The following PDGFD variants were observed in gnomAD, a reference collection of about 807,000 sequenced individuals.
PDGFD encodes the protein platelet derived growth factor D.
PDGFD carries 30 observed loss-of-function variants against 44.7 expected under a neutral mutation model. The ratio of observed to expected loss-of-function variants is 0.67; its 90% CI spans 0.50 to 0.91. The LOEUF is 0.91. Among genes scored for constraint, PDGFD ranks in the 40% least tolerant of loss-of-function variants. PDGFD has a pLI of 0.00. For synonymous variants in PDGFD, 173 were observed against 168.4 expected, an observed-to-expected ratio of 1.03 and a Z score of -0.21; for missense variants, 445 against 457.8, an observed-to-expected ratio of 0.97 and a Z score of 0.25.
At chr11:104,138,657 A>C (rs905363317) in intron 1 of PDGFD, among the ~76,000 whole-genome samples, 1 of 152,224 alleles carries the variant, frequency 6.6e-6, no homozygotes, top group Non-Finnish European at 1.5e-5. Context: ...ATATGGTTTC[A>C]GATGCACATC....
chr11:103,994,430 A>G (rs1859504328), intron 3 of PDGFD, among the ~76,000 whole-genome samples: 1 of 152,244 alleles, frequency 6.6e-6, no homozygotes, highest in Non-Finnish European at 1.5e-5. Flanking sequence ...TGAGTTTGCA[A>G]TAATGTAAAT....
intron 1 of PDGFD, among the ~76,000 whole-genome samples, chr11:104,030,630 C>T (rs925270597): frequency 1.3e-5 from 2 of 152,172 alleles, no homozygotes; most frequent in African/African-American, 2.4e-5. Flanking sequence ...TATACCAATC[C>T]TACCATCTTA....
chr11:104,154,141 T>C (rs1377286776), intron 1 of PDGFD, among the ~76,000 whole-genome samples: 1 of 152,200 alleles, frequency 6.6e-6, no homozygotes. Flanking sequence ...TAGGGTACAA[T>C]ATGACACTGG....
chr11:104,064,783 G>T (rs1298779606), intron 1 of PDGFD, among the ~76,000 whole-genome samples: 3 of 125,304 alleles, frequency 2.4e-5, no homozygotes, highest in African/African-American at 9.4e-5. Context: ...TTCTGATTTT[G>T]CCTTCTAACT....
At chr11:104,028,724 TG>T (rs1860082976) in intron 1 of PDGFD, among the ~76,000 whole-genome samples, 1 of 150,042 alleles carries the variant, frequency 6.7e-6, no homozygotes, top group African/African-American at 2.5e-5. Flanking sequence ...AGTAAGAACA[TG>T]AAATAAAACC....
intron 3 of PDGFD, among the ~76,000 whole-genome samples, chr11:103,965,981 C>T (rs1270116087): frequency 6.6e-6 from 1 of 152,180 alleles, no homozygotes; most frequent in East Asian, 1.9e-4. Context: ...CTGGGGGCCC[C>T]TGCCTTTGCC....
intron 1 of PDGFD, among the ~76,000 whole-genome samples, chr11:104,090,488 G>C (rs911490333): frequency 2.0e-5 from 3 of 151,592 alleles, no homozygotes; most frequent in Non-Finnish European, 4.4e-5. Flanking sequence ...AATCAGCCAG[G>C]TGCGGTGGTG....
At chr11:104,119,690 AT>A (rs1861737220) in intron 1 of PDGFD, among the ~76,000 whole-genome samples, 1 of 97,092 alleles carries the variant, frequency 1.0e-5, no homozygotes, top group African/African-American at 4.4e-5. Flanking sequence ...TCGATATATA[AT>A]ATATAATATC....
chr11:103,983,750 G>T (rs1859309289), intron 3 of PDGFD, among the ~76,000 whole-genome samples: 1 of 151,826 alleles, frequency 6.6e-6, no homozygotes, highest in African/African-American at 2.4e-5. Flanking sequence ...AAAAAAGTGG[G>T]CAAAGGACGT....
intron 1 of PDGFD, among the ~76,000 whole-genome samples, chr11:104,081,284 C>A (rs897095205): frequency 1.3e-4 from 19 of 151,852 alleles, no homozygotes; most frequent in Non-Finnish European, 2.5e-4. Context: ...CAAGGCAATA[C>A]CTGAAAAGAT....
rs142117774 is a variant in PDGFD at position 103,997,412 on chromosome 11, T to C, written c.330-1167A>G. Among the ~76,000 whole-genome samples, 339 of 152,224 alleles carry C rather than the reference T, an allele frequency of 2.2e-3. 5 individuals are homozygous for C. The highest frequency in any genetic ancestry group is 7.8e-3 in the African/African-American group (325 of 41,554). On this transcript the variant is annotated intron_variant, in intron 2 of 6. Coordinates refer to ENST00000393158, the MANE Select transcript of PDGFD (RefSeq NM_025208.5). ...CTCTACTGGATTGGGCAAGGTAATGTAAAAAGAAAGTAAAAAATAATGATA... is the reference window on the plus strand; with the variant it reads ...CTCTACTGGATTGGGCAAGGTAATGCAAAAAGAAAGTAAAAAATAATGATA...
At chr11:104,014,025 A>G (rs550875406) in intron 1 of PDGFD, among the ~76,000 whole-genome samples, 64 of 152,296 alleles carry the variant, frequency 4.2e-4, no homozygotes, top group African/African-American at 1.0e-3. Context: ...TCCAGTATTC[A>G]TCTTAAGAAG....
chr11:104,078,923 CCTGTAT>C (rs1173310730), intron 1 of PDGFD, among the ~76,000 whole-genome samples: 1 of 151,958 alleles, frequency 6.6e-6, no homozygotes, highest in Non-Finnish European at 1.5e-5. Context: ...TGTAGGCTTA[CCTGTAT>C]TAAAGAAAGC....
chr11:104,123,764 T>C lies in PDGFD; in HGVS notation c.124+40040A>G, dbSNP rs933461104. ...GACATACCTGTATTCCTTTGTGTTA[T>C]ATTCTTCATGGGATTTTAAATTTCT... On this transcript the variant is annotated intron_variant, in intron 1 of 6. Transcript: ENST00000393158. Among the ~76,000 whole-genome samples, 12 of 152,242 alleles carry C rather than the reference T, an allele frequency of 7.9e-5. No individual in the cohort carries two copies. In the South Asian group the frequency reaches 1.0e-3, roughly 13 times the overall value.
chr11:104,072,942 G>A (rs1025379360), intron 1 of PDGFD, among the ~76,000 whole-genome samples: 12 of 151,984 alleles, frequency 7.9e-5, no homozygotes, highest in African/African-American at 2.9e-4. Context: ...GATAATACAT[G>A]AAAATCTAAA....
At chr11:104,061,200 AAC>A (rs1860710559) in intron 1 of PDGFD, among the ~76,000 whole-genome samples, 1 of 147,050 alleles carries the variant, frequency 6.8e-6, no homozygotes, top group Admixed American at 6.8e-5. Context: ...TATAGAAAAT[AAC>A]AGAGTATATC....
At chr11:104,028,352 GC>G (rs1860077156) in intron 1 of PDGFD, among the ~76,000 whole-genome samples, 1 of 151,736 alleles carries the variant, frequency 6.6e-6, no homozygotes, top group Non-Finnish European at 1.5e-5. Context: ...GAGGCTAACT[GC>G]TAGATAAATT....
chr11:103,939,898 C>G (rs938619502), intron 5 of PDGFD, among the ~76,000 whole-genome samples: 16 of 151,970 alleles, frequency 1.1e-4, no homozygotes, highest in African/African-American at 3.6e-4. Context: ...TCCATTACCC[C>G]CTAGGAAACT....
chr11:104,122,736 C>G (rs533515355), intron 1 of PDGFD, among the ~76,000 whole-genome samples: 1 of 151,504 alleles, frequency 6.6e-6, no homozygotes, highest in Non-Finnish European at 1.5e-5. Context: ...TTTAAATTTT[C>G]TTCAGGTAAT....
Sources: gnomAD v4.1 joint callset for allele counts (sites outside exome capture counted in the v4.1 genomes callset) on GRCh38, gnomAD v4.1.1 for gene constraint, MANE v1.5 for transcripts, NCBI Gene and HGNC (gene_info 2026-07-23, HGNC 2026-07-21) for gene names.